Variants in RCAN2 observed in about 807,000 individuals in gnomAD.
RCAN2 encodes the protein regulator of calcineurin 2, also known as calcipressin-2.
A neutral mutation model predicts 23.6 loss-of-function variants in RCAN2; 9 were observed. The ratio of observed to expected loss-of-function variants is 0.38; its 90% CI spans 0.23 to 0.67. The LOEUF is 0.67. Among genes scored for constraint, RCAN2 ranks in the 30% least tolerant of loss-of-function variants. The pLI is 0.51. For synonymous variants in RCAN2, 109 were observed against 115.7 expected (o/e 0.94, Z 0.37); for missense variants, 273 against 302.3 (o/e 0.90, Z 0.72).
In RCAN2 at chr6:46,302,316, T is replaced by C. The variant is rs1374736577; in HGVS notation, c.226-53420A>G. On this transcript the variant is annotated intron_variant, in intron 2 of 4. Transcript: ENST00000371374. ...AGAGTTCTGTTTTGGCCATGTTAAG[T>C]ATGAATGCTATATTAGACATCAAGC... Among the ~76,000 whole-genome samples the C allele has an allele frequency of 2.7e-4, 41 of 152,054 alleles. 1 individual carries two copies. The highest frequency in any genetic ancestry group is 2.7e-3 in the Admixed American group (41 of 15,250).
chr6:46,229,182 T>C (rs766136980), intron 4 of RCAN2, among the ~76,000 whole-genome samples: 16 of 152,224 alleles, frequency 1.1e-4, no homozygotes, highest in Non-Finnish European at 1.8e-4. Flanking sequence ...ACCTGACCTT[T>C]CTTTCTTGCT....
chr6:46,331,116 T>G (rs1292051015), intron 2 of RCAN2, among the ~76,000 whole-genome samples: 1 of 152,238 alleles, frequency 6.6e-6, no homozygotes, highest in African/African-American at 2.4e-5. Flanking sequence ...ACTTCTCATC[T>G]ACTATTTAGT....
At chr6:46,275,542 T>C (rs1213509613) in intron 2 of RCAN2, among the ~76,000 whole-genome samples, 4 of 152,222 alleles carry the variant, frequency 2.6e-5, no homozygotes, top group Non-Finnish European at 5.9e-5. Flanking sequence ...GTTCTTTTAA[T>C]GGTTGGACAC....
In RCAN2 at chr6:46,452,853, G is replaced by C. The variant is rs145164546; in HGVS notation, c.225+3899C>G. On this transcript the variant is annotated intron_variant, in intron 2 of 4. Coordinates refer to ENST00000371374, the MANE Select transcript of RCAN2 (RefSeq NM_001251974.2). ...CCTAATGTAGATGACGGGTTGATGG[G>C]TGTAGCAAACCACCATGGCATGTGT... Among the ~76,000 whole-genome samples, 391 of 152,274 alleles carry C rather than the reference G, an allele frequency of 2.6e-3. 2 individuals are homozygous for C. The highest frequency in any genetic ancestry group is 9.0e-3 in the African/African-American group (375 of 41,550).
intron 4 of RCAN2, among the ~76,000 whole-genome samples, chr6:46,227,685 T>G (rs1765721800): frequency 6.6e-6 from 1 of 152,210 alleles, no homozygotes; most frequent in Non-Finnish European, 1.5e-5. Context: ...TTCTTCTTTA[T>G]TAGTCTTGCT....
intron 2 of RCAN2, among the ~76,000 whole-genome samples, chr6:46,348,403 A>G (rs1764550974): frequency 6.6e-6 from 1 of 152,170 alleles, no homozygotes; most frequent in African/African-American, 2.4e-5. Flanking sequence ...AAACATCTAC[A>G]GAGCAATGGA....
chr6:46,377,972 A>C (rs191063063), intron 2 of RCAN2, among the ~76,000 whole-genome samples: 1 of 152,360 alleles, frequency 6.6e-6, no homozygotes, highest in East Asian at 1.9e-4. Flanking sequence ...GGTCACTACA[A>C]ATATAATGCA....
At chr6:46,367,892 T>C (rs1765217777) in intron 2 of RCAN2, among the ~76,000 whole-genome samples, 1 of 152,244 alleles carries the variant, frequency 6.6e-6, no homozygotes, top group African/African-American at 2.4e-5. Flanking sequence ...AAAATTGTAC[T>C]GTGGCTTGCA....
chr6:46,398,919 T>TAC (rs1346750092), intron 2 of RCAN2, among the ~76,000 whole-genome samples: 3 of 150,676 alleles, frequency 2.0e-5, no homozygotes, highest in African/African-American at 4.9e-5. Context: ...TAAATATATA[T>TAC]ATATATACAT....
At chr6:46,469,534 C>A (rs1768494146) in intron 1 of RCAN2, among the ~76,000 whole-genome samples, 1 of 152,154 alleles carries the variant, frequency 6.6e-6, no homozygotes, top group Non-Finnish European at 1.5e-5. Context: ...GTAGAGGAAA[C>A]AAGTAGGAAC....
chr6:46,418,210 T>C (rs142071919), intron 2 of RCAN2, among the ~76,000 whole-genome samples: 149 of 152,314 alleles, frequency 9.8e-4, no homozygotes, highest in African/African-American at 3.4e-3. Context: ...ACAAACAACC[T>C]GAATTTTTAA....
chr6:46,400,348 C>G (rs1469906192), intron 2 of RCAN2, among the ~76,000 whole-genome samples: 3 of 152,132 alleles, frequency 2.0e-5, no homozygotes, highest in East Asian at 3.9e-4. Flanking sequence ...ACCAGAGATC[C>G]AATACTGGGA....
chr6:46,452,757 T>C (rs958618528), intron 2 of RCAN2, among the ~76,000 whole-genome samples: 1 of 152,184 alleles, frequency 6.6e-6, no homozygotes, highest in Non-Finnish European at 1.5e-5. Flanking sequence ...CCATGCCAAA[T>C]GCTATATAGG....
intron 2 of RCAN2, among the ~76,000 whole-genome samples, chr6:46,333,560 C>A (rs556559583): frequency 5.9e-5 from 9 of 152,192 alleles, no homozygotes; most frequent in Non-Finnish European, 1.3e-4. Context: ...AAGGCAAATG[C>A]CTATGTAATT....
At chr6:46,412,888 T>C (rs1393338199) in intron 2 of RCAN2, among the ~76,000 whole-genome samples, 1 of 152,160 alleles carries the variant, frequency 6.6e-6, no homozygotes, top group Non-Finnish European at 1.5e-5. Context: ...CCAGAGGGCG[T>C]GGGTAAACCA....
At chr6:46,355,170 A>G (rs139258792) in intron 2 of RCAN2, among the ~76,000 whole-genome samples, 170 of 152,316 alleles carry the variant, frequency 1.1e-3, no homozygotes, top group African/African-American at 3.9e-3. Flanking sequence ...TATGTATACT[A>G]ATCATTATGA....
chr6:46,333,886 A>G (rs1372551973), intron 2 of RCAN2, among the ~76,000 whole-genome samples: 3 of 152,224 alleles, frequency 2.0e-5, no homozygotes, highest in African/African-American at 7.2e-5. Flanking sequence ...AGAGACCTCA[A>G]TGAGTTTTCT....
chr6:46,326,883 T>A (rs1159364080), intron 2 of RCAN2, among the ~76,000 whole-genome samples: 1 of 152,222 alleles, frequency 6.6e-6, no homozygotes, highest in Non-Finnish European at 1.5e-5. Flanking sequence ...AATGTTCCCC[T>A]TCAACAAGGC....
At chr6:46,270,775 G>T (rs1767497253) in intron 2 of RCAN2, among the ~76,000 whole-genome samples, 1 of 152,148 alleles carries the variant, frequency 6.6e-6, no homozygotes, top group Admixed American at 6.5e-5. Context: ...GTTGCCCTCT[G>T]GAGAACCCCA....
Sources: allele counts gnomAD v4.1 joint callset (sites outside exome capture counted in the v4.1 genomes callset), GRCh38; gene constraint gnomAD v4.1.1; transcripts MANE v1.5; gene names NCBI Gene and HGNC (gene_info 2026-07-23, HGNC 2026-07-21).